The following PDSS2 variants were observed in gnomAD, a reference collection of about 807,000 sequenced individuals.
The protein encoded by PDSS2 is all trans-polyprenyl-diphosphate synthase PDSS2.
PDSS2 carries 31 observed loss-of-function variants against 44.5 expected under a neutral mutation model. That is an observed-to-expected ratio of 0.70 (90% CI 0.52 to 0.94). The LOEUF is 0.94. PDSS2 is among the 40% of genes least tolerant of loss of function. The pLI, the probability that PDSS2 is intolerant of heterozygous loss-of-function variation, is 0.00. For synonymous variants in PDSS2, 157 were observed against 180.3 expected (o/e 0.87, Z 1.03); for missense variants, 452 against 482.2 (o/e 0.94, Z 0.59).
At chr6:107,270,239 G>C (rs1470956227) in intron 3 of PDSS2, among the ~76,000 whole-genome samples, 3 of 152,072 alleles carry the variant, frequency 2.0e-5, no homozygotes, top group Non-Finnish European at 4.4e-5. Flanking sequence ...CTCCCAAGTA[G>C]CTGGGATTAC....
intron 3 of PDSS2, among the ~76,000 whole-genome samples, chr6:107,247,883 G>A (rs970650971): frequency 4.7e-5 from 7 of 150,326 alleles, no homozygotes; most frequent in African/African-American, 1.7e-4. Flanking sequence ...GCTGGGCATG[G>A]TGGGGCATGC....
intron 1 of PDSS2, among the ~76,000 whole-genome samples, chr6:107,410,280 G>A (rs1440520058): frequency 6.6e-6 from 1 of 152,100 alleles, no homozygotes; most frequent in Non-Finnish European, 1.5e-5. Context: ...ACTGTCTATT[G>A]TCTCACTCCC....
chr6:107,186,549 T>A (rs1772171977), intron 7 of PDSS2, among the ~76,000 whole-genome samples: 1 of 152,168 alleles, frequency 6.6e-6, no homozygotes, highest in Non-Finnish European at 1.5e-5. Context: ...TACACAGGTA[T>A]ACATGTGCCA....
intron 1 of PDSS2, among the ~76,000 whole-genome samples, chr6:107,390,138 C>T (rs2114520303): frequency 6.6e-6 from 1 of 152,184 alleles, no homozygotes; most frequent in East Asian, 1.9e-4. Flanking sequence ...CACAGATACC[C>T]TCCAAGAGCT....
chr6:107,416,868 A>T (rs6942115), intron 1 of PDSS2, among the ~76,000 whole-genome samples: 4,089 of 152,186 alleles, frequency 0.027, 204 homozygotes, highest in African/African-American at 0.094. Flanking sequence ...ACTTAACTGT[A>T]GAGAAAATAG....
At chr6:107,185,604 C>T (rs560612900) in intron 7 of PDSS2, among the ~76,000 whole-genome samples, 18 of 152,298 alleles carry the variant, frequency 1.2e-4, no homozygotes, top group African/African-American at 2.9e-4. Context: ...TCAGCTCCAG[C>T]TGGGGAAAAT....
intron 2 of PDSS2, among the ~76,000 whole-genome samples, chr6:107,293,678 C>T (rs771327123): frequency 1.3e-5 from 2 of 152,134 alleles, no homozygotes; most frequent in Non-Finnish European, 2.9e-5. Context: ...CACAACTGGA[C>T]TGGGAGAAAT....
intron 3 of PDSS2, among the ~76,000 whole-genome samples, chr6:107,262,933 C>CA (rs1168815224): frequency 6.6e-6 from 1 of 150,826 alleles, no homozygotes; most frequent in Non-Finnish European, 1.5e-5. Flanking sequence ...GTCTCTATTA[C>CA]AAAAAATAAA....
At chr6:107,259,532 G>A (rs971368891) in intron 3 of PDSS2, among the ~76,000 whole-genome samples, 2 of 151,958 alleles carry the variant, frequency 1.3e-5, no homozygotes, top group Non-Finnish European at 2.9e-5. Context: ...AAAATTAGCC[G>A]GGCGTGGTGG....
intron 1 of PDSS2, among the ~76,000 whole-genome samples, chr6:107,429,632 C>T (rs9480773): frequency 1.3e-5 from 2 of 151,846 alleles, no homozygotes; most frequent in Non-Finnish European, 2.9e-5. Flanking sequence ...CACCTGTAAT[C>T]TCTGCACGCT....
chr6:107,340,372 C>T lies in PDSS2; in HGVS notation c.297-6040G>A, dbSNP rs1778043985. The stretch of plus-strand genomic sequence containing the variant: ...ACTTTGGGCAAGTCAGCTCTGTCTT[C>T]TCCATTGTACTTTAGATGGCTGACT... On this transcript the variant is annotated intron_variant, in intron 1 of 7. Transcript: ENST00000369037. 2.6e-5 allele frequency among the ~76,000 whole-genome samples: 4 copies of T among 152,280 alleles called. No homozygotes were observed. In the South Asian group the frequency reaches 8.3e-4, roughly 32 times the overall value.
chr6:107,297,105 C>G (rs972237086), intron 2 of PDSS2, among the ~76,000 whole-genome samples: 1 of 152,140 alleles, frequency 6.6e-6, no homozygotes, highest in Non-Finnish European at 1.5e-5. Flanking sequence ...CAGCAGGGGC[C>G]TCTCACATGG....
At chr6:107,260,888 T>A (rs1195511591) in intron 3 of PDSS2, among the ~76,000 whole-genome samples, 1 of 152,054 alleles carries the variant, frequency 6.6e-6, no homozygotes, top group Non-Finnish European at 1.5e-5. Context: ...GGTCTCGATC[T>A]CCTGACCTTG....
intron 1 of PDSS2, among the ~76,000 whole-genome samples, chr6:107,380,968 T>C (rs1200353895): frequency 6.6e-6 from 1 of 152,192 alleles, no homozygotes; most frequent in Non-Finnish European, 1.5e-5. Context: ...TGGAATGTGC[T>C]AGAAGTAAAA....
At chr6:107,197,480 CAAAAAAAAAAA>C (rs1211356401) in intron 6 of PDSS2, among the ~76,000 whole-genome samples, 1 of 82,428 alleles carries the variant, frequency 1.2e-5, no homozygotes, top group Non-Finnish European at 2.4e-5. Context: ...ACCCCCATCT[CAAAAAAAAAAA>C]AAAAAAAAAA....
intron 1 of PDSS2, among the ~76,000 whole-genome samples, chr6:107,402,934 CT>C (rs1386957123): frequency 1.3e-5 from 2 of 152,096 alleles, no homozygotes; most frequent in African/African-American, 4.8e-5. Context: ...CATTCCACCC[CT>C]GGCTCCTCCC....
At chr6:107,373,409 A>C (rs1474687180) in intron 1 of PDSS2, among the ~76,000 whole-genome samples, 5 of 152,218 alleles carry the variant, frequency 3.3e-5, no homozygotes, top group Non-Finnish European at 2.9e-5. Context: ...TTAACTTAAT[A>C]ATTTTACTTC....
At chr6:107,373,587 C>A (rs928841247) in intron 1 of PDSS2, among the ~76,000 whole-genome samples, 13 of 152,172 alleles carry the variant, frequency 8.5e-5, no homozygotes, top group African/African-American at 3.1e-4. Flanking sequence ...CTGGGCCTAT[C>A]TACTTTTTCT....
chr6:107,233,317 A>G (rs1774114127), intron 4 of PDSS2, among the ~76,000 whole-genome samples: 2 of 152,130 alleles, frequency 1.3e-5, no homozygotes, highest in South Asian at 4.1e-4. Context: ...TGTATTTCCT[A>G]TGACCTGTAA....
Sources: gnomAD v4.1 joint callset for allele counts (sites outside exome capture counted in the v4.1 genomes callset) on GRCh38, gnomAD v4.1.1 for gene constraint, MANE v1.5 for transcripts, NCBI Gene and HGNC (gene_info 2026-07-23, HGNC 2026-07-21) for gene names.